NLRP2: variants seen among roughly 807,000 people sequenced by gnomAD.
The protein encoded by NLRP2 is NACHT, LRR and PYD domains-containing protein 2.
NLRP2 carries 107 observed loss-of-function variants against 97.2 expected under a neutral mutation model. The observed-to-expected ratio is 1.10, with a 90% confidence interval of 0.94 to 1.29. The LOEUF (loss-of-function observed/expected upper bound fraction) is 1.29. Ranked by LOEUF, NLRP2 falls within the 50% of genes most tolerant of loss-of-function variation. The pLI is 0.00. For missense variants in NLRP2, 1,495 were observed against 1,330.3 expected, an observed-to-expected ratio of 1.12 and a Z score of -1.93; for synonymous variants, 663 against 551.5, an observed-to-expected ratio of 1.20 and a Z score of -2.83.
chr19:54,969,865 C>A lies in NLRP2; in HGVS notation c.-17-134C>A, dbSNP rs2070730119. On this transcript the variant is annotated intron_variant, in intron 1 of 12. Transcript: ENST00000448584. ...GAGATGGGGGTCTCACTATGTTGCC[C>A]AGGCTGGGAGTTTGTTCTTGAAGAA... 6.9e-6 allele frequency: 6 copies of A among 863,404 alleles called. No homozygotes were observed. The East Asian group carries it at 1.5e-4, about 22-fold the overall frequency. The allele number at this position is 863,404 out of a possible 1,614,324, so 53.5% of individuals were successfully genotyped here.
Position 55,001,100 on chromosome 19 carries a change from G to A in NLRP2, c.*202G>A, listed in dbSNP as rs1295146808. On this transcript the variant is annotated 3_prime_UTR_variant, in exon 13 of 13. Coordinates refer to ENST00000448584, the MANE Select transcript of NLRP2 (RefSeq NM_017852.5). The stretch of plus-strand genomic sequence containing the variant: ...GTTACATATGAAATATCTGTATCAC[G>A]GGTATATTGAGAGAAATAAAGGTGA... 16 of 553,858 alleles carry A rather than the reference G, an allele frequency of 2.9e-5. No homozygotes were observed. Among genetic ancestry groups the A allele is most frequent in the Middle Eastern group, 4.8e-4 (1 of 2,084 alleles). The allele number at this position is 553,858 out of a possible 1,614,324, so 34.3% of individuals were successfully genotyped here.
intron 8 of NLRP2, 32 bp from the exon 9 acceptor site, chr19:54,989,990 A>AT: frequency 6.2e-7 from 1 of 1,612,176 alleles, no homozygotes; most frequent in Non-Finnish European, 8.5e-7. Flanking sequence ...CAAAAAAAAA[A>AT]AAAAAATGAC....
intron 3 of NLRP2, 85 bp from the exon 4 acceptor site, chr19:54,977,667 T>C (rs2071328194): frequency 7.7e-7 from 1 of 1,300,634 alleles, no homozygotes; most frequent in African/African-American, 1.5e-5. Flanking sequence ...GCTTCACTAC[T>C]GAGACTCAGG....
intron 10 of NLRP2, 113 bp from the exon 11 acceptor site, chr19:54,994,156 A>G: frequency 1.8e-6 from 2 of 1,132,216 alleles, no homozygotes; most frequent in South Asian, 1.3e-5. Flanking sequence ...TTCCATTTCC[A>G]TGTCACCACT....
At chr19:54,991,850 CAAAA>C (rs111877236) in intron 10 of NLRP2, among the ~76,000 whole-genome samples, 9 of 110,144 alleles carry the variant, frequency 8.2e-5, no homozygotes, top group East Asian at 3.0e-4. Flanking sequence ...GAGATTGTCT[CAAAA>C]AAAAAAAAAA....
chr19:54,997,108 A>G (rs3786862), intron 11 of NLRP2, among the ~76,000 whole-genome samples: 58,148 of 151,924 alleles, frequency 0.38, 11,550 homozygotes, highest in Middle Eastern at 0.51. Flanking sequence ...CGGTTTTACC[A>G]TGTTAGGTTG....
At chr19:54,989,870 A>T in intron 8 of NLRP2, 152 bp from the exon 9 acceptor site, 1 of 746,910 alleles carries the variant, frequency 1.3e-6, no homozygotes, top group Non-Finnish European at 2.3e-6. Flanking sequence ...GCATGCCTGC[A>T]GTCCCAGCTA....
rs147585490 is a variant in NLRP2 at position 54,982,753 on chromosome 19, T to G, written c.1055T>G (p.Ile352Ser). The G allele has an allele frequency of 1.6e-3, 2,520 of 1,614,102 alleles. 4 individuals carry two copies. The highest frequency in any genetic ancestry group is 1.9e-3 in the Non-Finnish European group (2,238 of 1,180,000). The change falls in exon 6 of 13, where the codon ATC becomes AGC. Residue 352 changes from isoleucine to serine, a missense_variant. By Grantham distance (142) the Ile-to-Ser change is moderately radical. Transcript: ENST00000448584. Reference sequence around the variant, plus strand: ...CTCCGGATCCTGGCGGAGGAGCCGATCTACATAAGGGTGGAGGGCTTCCTG... The same window carrying G: ...CTCCGGATCCTGGCGGAGGAGCCGAGCTACATAAGGGTGGAGGGCTTCCTG... Reference protein sequence around the residue: ...RDLRILAEEPIYIRVEGFLEE... With the variant: ...RDLRILAEEPSYIRVEGFLEE...
In NLRP2 at chr19:55,000,826, A is replaced by G. The variant is rs2073148826; in HGVS notation, c.3117A>G (p.Pro1039=). Residue 1039 remains proline (P), a synonymous_variant, in exon 13 of 13, where the codon CCA becomes CCG. Coordinates refer to ENST00000448584, the MANE Select transcript of NLRP2 (RefSeq NM_017852.5). Reference sequence around the variant, plus strand: ...TGGAAGAAATAGAAGAAAAAAACCCACAACTGATTATTGATACTGAGAAAC... The same window carrying G: ...TGGAAGAAATAGAAGAAAAAAACCCGCAACTGATTATTGATACTGAGAAAC... ...KLLEEIEEKN[P]QLIIDTEKHH... 6.2e-7 allele frequency: 1 copy of G among 1,613,440 alleles called. No homozygotes were observed. Among genetic ancestry groups the G allele is most frequent in the Non-Finnish European group, 8.5e-7 (1 of 1,179,526 alleles).
At chr19:54,999,594 C>T (rs1238863556) in intron 12 of NLRP2, among the ~76,000 whole-genome samples, 2 of 152,102 alleles carry the variant, frequency 1.3e-5, no homozygotes, top group East Asian at 3.9e-4. Context: ...ACAAGCATCT[C>T]AAACTGCACA....
Position 54,992,152 on chromosome 19 carries a change from TC to T in NLRP2, c.2708+1482del, listed in dbSNP as rs576673361. 2.6e-4 allele frequency among the ~76,000 whole-genome samples: 39 copies of T among 151,892 alleles called. 1 individual carries two copies. In the East Asian group the frequency reaches 7.3e-3, roughly 28 times the overall value. ...GGTTGGTCTCGAACTGACCTCATGATCCGCCCGCCTCAGCCTTCCAAAGTGC... is the reference window on the plus strand; with the variant it reads ...GGTTGGTCTCGAACTGACCTCATGATCGCCCGCCTCAGCCTTCCAAAGTGC... On this transcript the variant is annotated intron_variant, in intron 10 of 12. Coordinates refer to ENST00000448584, the MANE Select transcript of NLRP2 (RefSeq NM_017852.5).
chr19:55,000,730 G>T, intron 12 of NLRP2, 30 bp from the exon 13 acceptor site: 1 of 1,611,688 alleles, frequency 6.2e-7, no homozygotes, highest in Non-Finnish European at 8.5e-7. Context: ...GATGCACAAA[G>T]TAACCTTTTC....
At chr19:54,975,112 T>TTG (rs2071126950) in intron 3 of NLRP2, among the ~76,000 whole-genome samples, 1 of 13,424 alleles carries the variant, frequency 7.4e-5, no homozygotes, top group African/African-American at 1.2e-3. Flanking sequence ...TTTTGTTTTT[T>TTG]TTTTTTTTTT....
rs754873052 is a variant in NLRP2, at chr19:54,970,035, T to A, written c.20T>A (p.Met7Lys). 4 of 1,613,888 alleles carry A rather than the reference T, an allele frequency of 2.5e-6. No homozygotes were observed. In the Admixed American group the frequency reaches 6.7e-5, roughly 27 times the overall value. ...GACAAGATGGTGTCTTCGGCGCAGA[T>A]GGGCTTCAACCTGCAGGCTCTCCTG... The part of the protein sequence containing the change: MVSSAQ[M>K]GFNLQALLEQ... The change falls in exon 2 of 13, where the codon ATG becomes AAG. Residue 7 changes from methionine (M) to lysine (K), a missense_variant. Transcript: ENST00000448584.
At chr19:54,991,123 G>T in intron 10 of NLRP2, 2 of 152,626 alleles carry the variant, frequency 1.3e-5, no homozygotes, top group South Asian at 1.4e-4. Context: ...GGTTGTAAAT[G>T]GAATTCATTT....
intron 2 of NLRP2, among the ~76,000 whole-genome samples, chr19:54,973,511 G>GATTAC (rs1249355972): frequency 3.9e-5 from 6 of 151,900 alleles, no homozygotes; most frequent in Non-Finnish European, 8.8e-5. Flanking sequence ...GAGTAGCTGG[G>GATTAC]ATTACAGGCG....
At chr19:54,990,353 C>T in intron 9 of NLRP2, 149 bp from the exon 10 acceptor site, 3 of 1,117,734 alleles carry the variant, frequency 2.7e-6, no homozygotes, top group South Asian at 1.3e-5. Flanking sequence ...GTTCTTCTCT[C>T]ATTCCTATTC....
At chr19:54,987,231 A>G (rs901663851) in intron 8 of NLRP2, among the ~76,000 whole-genome samples, 3 of 150,618 alleles carry the variant, frequency 2.0e-5, no homozygotes, top group African/African-American at 2.4e-5. Flanking sequence ...TCATTCACTC[A>G]TGGTTCATGC....
intron 1 of NLRP2, among the ~76,000 whole-genome samples, chr19:54,966,825 CTTTTTTT>C (rs1044701142): frequency 5.3e-5 from 4 of 74,988 alleles, no homozygotes; most frequent in South Asian, 5.9e-4. Context: ...CGCGCCCAGC[CTTTTTTT>C]TTTTTTTTTT....
Sources: gnomAD v4.1 joint callset for allele counts (sites outside exome capture counted in the v4.1 genomes callset) on GRCh38, gnomAD v4.1.1 for gene constraint, MANE v1.5 for transcripts, NCBI Gene and HGNC (gene_info 2026-07-23, HGNC 2026-07-21) for gene names.